DCAF8L2: variants seen among roughly 807,000 people sequenced by gnomAD.
DCAF8L2 encodes DDB1- and CUL4-associated factor 8-like protein 2.
For synonymous variants in DCAF8L2, 200 were observed against 190.9 expected (o/e 1.05, Z -0.39); for missense variants, 430 against 490.7 (o/e 0.88, Z 1.17).
the DCAF8L2 span, among the ~76,000 whole-genome samples, chrX:27,509,122 A>G: frequency 1.8e-5 from 2 of 111,772 alleles, no homozygotes; most frequent in Non-Finnish European, 3.8e-5. Context: ...TAGGTGATAG[A>G]TACAACATTC....
the DCAF8L2 span, among the ~76,000 whole-genome samples, chrX:27,526,798 C>A: frequency 8.9e-6 from 1 of 112,510 alleles, no homozygotes; most frequent in Admixed American, 9.4e-5. Context: ...CACTCCAGAC[C>A]CTGTTTGCCT....
chrX:27,471,586 T>TA, the DCAF8L2 span, among the ~76,000 whole-genome samples: 22 of 111,438 alleles, frequency 2.0e-4, no homozygotes, highest in Non-Finnish European at 3.6e-4. Flanking sequence ...ACATTCCATT[T>TA]AAAAAAGCAG....
intron 4 of DCAF8L2, among the ~76,000 whole-genome samples, chrX:27,743,262 G>T (rs1055261106): frequency 9.1e-5 from 10 of 109,811 alleles, no homozygotes; most frequent in Non-Finnish European, 1.7e-4. Context: ...TAATTCTTTT[G>T]AAAGGTTCTC....
At chrX:27,608,892 A>G (rs900545472) in intron 1 of DCAF8L2, among the ~76,000 whole-genome samples, 1 of 110,551 alleles carries the variant, frequency 9.0e-6, no homozygotes, top group Non-Finnish European at 1.9e-5. Context: ...TAGTACATAG[A>G]ATGACATTGC....
the DCAF8L2 span, among the ~76,000 whole-genome samples, chrX:27,543,507 G>A: frequency 2.7e-5 from 3 of 110,276 alleles, no homozygotes; most frequent in African/African-American, 9.9e-5. Flanking sequence ...TTCTAATTCC[G>A]TGAAAAAAAA....
chrX:27,517,012 C>A, the DCAF8L2 span, among the ~76,000 whole-genome samples: 1 of 111,296 alleles, frequency 9.0e-6, no homozygotes, highest in African/African-American at 3.3e-5. Context: ...CTGTCCAAAC[C>A]TCTGTGAAAT....
At chrX:27,640,787 T>C (rs1419061527) in intron 2 of DCAF8L2, among the ~76,000 whole-genome samples, 2 of 104,856 alleles carry the variant, frequency 1.9e-5, no homozygotes, top group Non-Finnish European at 3.9e-5. Flanking sequence ...TTTTAATATG[T>C]AGTGGTATTT....
At chrX:27,659,950 G>C (rs1929495524) in intron 2 of DCAF8L2, among the ~76,000 whole-genome samples, 1 of 111,174 alleles carries the variant, frequency 9.0e-6, no homozygotes, top group African/African-American at 3.3e-5. Flanking sequence ...AAGATCTGTT[G>C]CTGGAGAATT....
At chrX:27,646,197 T>G (rs757328679) in intron 2 of DCAF8L2, among the ~76,000 whole-genome samples, 27 of 111,709 alleles carry the variant, frequency 2.4e-4, no homozygotes, top group Non-Finnish European at 4.1e-4. Context: ...ATCAGGATGG[T>G]ACTGGTACAA....
chrX:27,684,169 C>G (rs1309296639), intron 3 of DCAF8L2, among the ~76,000 whole-genome samples: 1 of 111,877 alleles, frequency 8.9e-6, no homozygotes, highest in Non-Finnish European at 1.9e-5. Flanking sequence ...TCTCTACCCT[C>G]AAAGAGCTAA....
the DCAF8L2 span, among the ~76,000 whole-genome samples, chrX:27,499,449 T>A: frequency 1.8e-5 from 2 of 112,158 alleles, no homozygotes; most frequent in African/African-American, 3.2e-5. Flanking sequence ...GTTGTATAAG[T>A]TCCTTGTATA....
intron 1 of DCAF8L2, among the ~76,000 whole-genome samples, chrX:27,624,189 A>T (rs1170747284): frequency 1.8e-5 from 2 of 111,758 alleles, no homozygotes; most frequent in African/African-American, 6.5e-5. Flanking sequence ...AATATCAGGG[A>T]TTATCAGTCA....
chrX:27,642,424 T>C (rs1928772752), intron 2 of DCAF8L2, among the ~76,000 whole-genome samples: 1 of 110,972 alleles, frequency 9.0e-6, no homozygotes, highest in African/African-American at 3.3e-5. Flanking sequence ...CTGGCTCCGA[T>C]TGAGCCCTGG....
the DCAF8L2 span, among the ~76,000 whole-genome samples, chrX:27,573,570 G>A: frequency 6.3e-5 from 7 of 111,537 alleles, no homozygotes; most frequent in African/African-American, 2.0e-4. Flanking sequence ...AGCCATTGGT[G>A]ACAGAAGATA....
chrX:27,642,675 A>G (rs1440044568), intron 2 of DCAF8L2, among the ~76,000 whole-genome samples: 1 of 111,965 alleles, frequency 8.9e-6, no homozygotes. Flanking sequence ...GGCTTTCCCC[A>G]GGTTTCCTCA....
the DCAF8L2 span, among the ~76,000 whole-genome samples, chrX:27,582,340 T>A: frequency 9.0e-6 from 1 of 111,440 alleles, no homozygotes; most frequent in Non-Finnish European, 1.9e-5. Flanking sequence ...TTTCACCAAT[T>A]TTTCCACTAA....
intron 3 of DCAF8L2, among the ~76,000 whole-genome samples, chrX:27,688,265 G>T (rs1326878236): frequency 9.0e-6 from 1 of 111,343 alleles, no homozygotes; most frequent in Non-Finnish European, 1.9e-5. Context: ...AATTGCAAAG[G>T]AACATATATG....
chrX:27,593,016 C>T (rs1382455054), intron 1 of DCAF8L2, among the ~76,000 whole-genome samples: 1 of 111,116 alleles, frequency 9.0e-6, no homozygotes, highest in African/African-American at 3.3e-5. Flanking sequence ...CCAGGCTGGT[C>T]TCAAACTCCT....
chrX:27,559,063 A>G, the DCAF8L2 span, among the ~76,000 whole-genome samples: 1 of 110,496 alleles, frequency 9.1e-6, no homozygotes, highest in Non-Finnish European at 1.9e-5. Context: ...GACGTGCCAG[A>G]TTCCCCTTTA....
Sources: gnomAD v4.1 joint callset for allele counts (sites outside exome capture counted in the v4.1 genomes callset) on GRCh38, gnomAD v4.1.1 for gene constraint, MANE v1.5 for transcripts, NCBI Gene and HGNC (gene_info 2026-07-23, HGNC 2026-07-21) for gene names.